TMEM269: variants seen among roughly 807,000 people sequenced by gnomAD.
TMEM269 encodes the protein transmembrane protein 269.
A neutral mutation model predicts 15.8 loss-of-function variants in TMEM269; 12 were observed. The observed-to-expected ratio is 0.76, with a 90% CI of 0.49 to 1.23. The LOEUF (loss-of-function observed/expected upper bound fraction) is 1.23. Among genes scored for constraint, TMEM269 ranks in the 50% most tolerant of loss-of-function variants. The pLI is 0.00. For missense variants in TMEM269, 211 were observed against 245.4 expected, an observed-to-expected ratio of 0.86 and a Z score of 0.94; for synonymous variants, 93 against 99.3, an observed-to-expected ratio of 0.94 and a Z score of 0.38.
In TMEM269 at chr1:42,800,210, T is replaced by G. The variant is rs2124229228; in HGVS notation, c.*1985T>G. 6.6e-6 allele frequency: 1 copy of G among 152,266 alleles called. No individual in the cohort carries two copies. The highest frequency in any genetic ancestry group is 2.1e-4 in the South Asian group (1 of 4,824). 9.4% of individuals were successfully genotyped at this position (152,266 alleles called of 1,614,324 possible). ...ATACTTAATTGCCTCCAGTTTTTTTTGTAGGTTAATGACACTAGGATAGTT... is the reference window on the plus strand; with the variant it reads ...ATACTTAATTGCCTCCAGTTTTTTTGGTAGGTTAATGACACTAGGATAGTT... On this transcript the variant is annotated 3_prime_UTR_variant, in exon 6 of 6. Transcript: ENST00000637012.
chr1:42,795,830 A>G (rs1243098729), intron 5 of TMEM269, among the ~76,000 whole-genome samples: 1 of 152,200 alleles, frequency 6.6e-6, no homozygotes, highest in African/African-American at 2.4e-5. Flanking sequence ...AGTCCCATCT[A>G]GTTTATAGGG....
At chr1:42,793,813 A>G in intron 4 of TMEM269, 69 bp downstream of exon 4, 10 of 1,492,748 alleles carry the variant, frequency 6.7e-6, no homozygotes, top group Non-Finnish European at 8.9e-6. Context: ...GTCGGGTGCC[A>G]GAAGCCTGGG....
chr1:42,795,379 G>A (rs1653773613), intron 5 of TMEM269, among the ~76,000 whole-genome samples: 1 of 152,220 alleles, frequency 6.6e-6, no homozygotes, highest in Non-Finnish European at 1.5e-5. Flanking sequence ...CAAATGAGGA[G>A]CCTCTAAAGG....
intron 5 of TMEM269, among the ~76,000 whole-genome samples, chr1:42,795,685 C>G (rs961895589): frequency 6.6e-6 from 1 of 152,182 alleles, no homozygotes; most frequent in Non-Finnish European, 1.5e-5. Flanking sequence ...TGGGGCCTTG[C>G]AGACGTCTCC....
rs1044830105 is a variant in TMEM269 at position 42,800,457 on chromosome 1, C to T, written c.*2232C>T. Reference sequence around the variant, plus strand: ...CCAAGACTTTAAAATCTGCACTTCTCAAATGCATACATGAAGCCAGTGGGG... The same window carrying T: ...CCAAGACTTTAAAATCTGCACTTCTTAAATGCATACATGAAGCCAGTGGGG... On this transcript the variant is annotated 3_prime_UTR_variant, in exon 6 of 6. Transcript: ENST00000637012. 2 of 152,190 alleles carry T rather than the reference C, an allele frequency of 1.3e-5. No homozygotes were observed. The highest frequency in any genetic ancestry group is 4.8e-5 in the African/African-American group (2 of 41,450). The allele number at this position is 152,190 out of a possible 1,614,324, so 9.4% of individuals were successfully genotyped here.
At chr1:42,785,507 C>T (rs758821226) in intron 1 of TMEM269, among the ~76,000 whole-genome samples, 1 of 152,216 alleles carries the variant, frequency 6.6e-6, no homozygotes, top group Non-Finnish European at 1.5e-5. Context: ...CCACCCTCCT[C>T]GCCCCCACCC....
intron 1 of TMEM269, among the ~76,000 whole-genome samples, chr1:42,785,596 ACT>A (rs1406118594): frequency 6.0e-5 from 9 of 151,020 alleles, no homozygotes; most frequent in African/African-American, 2.2e-4. Context: ...TCTGACAAAG[ACT>A]CTGCTCCCTT....
chr1:42,793,586 G>T lies in TMEM269; in HGVS notation c.140-15G>T, dbSNP rs1167535324. ...GGGAGTATAAGTTCTTCTAACCTTG[G>T]GCCGTCTGGGGCAGGAGCCGAGCTG... On this transcript the variant is annotated splice_polypyrimidine_tract_variant and intron_variant, in intron 3 of 5. Coordinates refer to ENST00000637012, the MANE Select transcript of TMEM269 (RefSeq NM_001354602.2). 6.5e-7 allele frequency: 1 copy of T among 1,545,570 alleles called. No individual in the cohort carries two copies. The highest frequency in any genetic ancestry group is 1.4e-5 in the African/African-American group (1 of 72,726).
chr1:42,791,751 C>T (rs536214322), intron 2 of TMEM269, among the ~76,000 whole-genome samples: 1 of 152,306 alleles, frequency 6.6e-6, no homozygotes, highest in East Asian at 1.9e-4. Flanking sequence ...CCTGTAGTTC[C>T]AGCACTTTGG....
At position 42,800,064 on chromosome 1, in the gene TMEM269, C is replaced by G. The variant is rs1419322147; in HGVS notation, c.*1839C>G. Reference sequence around the variant, plus strand: ...AGATGCAATTCTGAAAGAGAATTTCCATGTCCATTTTAAGTGACAGCAGCA... The same window carrying G: ...AGATGCAATTCTGAAAGAGAATTTCGATGTCCATTTTAAGTGACAGCAGCA... On this transcript the variant is annotated 3_prime_UTR_variant, in exon 6 of 6. Transcript: ENST00000637012. 1 of 152,160 alleles carries G rather than the reference C, an allele frequency of 6.6e-6. No individual in the cohort carries two copies. The highest frequency in any genetic ancestry group is 1.5e-5 in the Non-Finnish European group (1 of 68,030). The allele number at this position is 152,160 out of a possible 1,614,324, so 9.4% of individuals were successfully genotyped here.
chr1:42,790,371 A>G (rs1283192384), intron 2 of TMEM269, among the ~76,000 whole-genome samples: 1 of 152,114 alleles, frequency 6.6e-6, no homozygotes, highest in East Asian at 1.9e-4. Context: ...TTAAAGATAA[A>G]TCCTTTATGA....
At chr1:42,790,505 G>A (rs1039227352) in intron 2 of TMEM269, among the ~76,000 whole-genome samples, 1 of 151,810 alleles carries the variant, frequency 6.6e-6, no homozygotes, top group African/African-American at 2.4e-5. Context: ...CCCCCTTCCA[G>A]CTGGAAATTT....
rs529578531 is a variant in TMEM269 at position 42,797,694 on chromosome 1, C to T, written c.485-404C>T. The T allele has an allele frequency of 3.4e-5, 14 of 406,986 alleles. No individual in the cohort carries two copies. The highest frequency in any genetic ancestry group is 5.4e-5 in the Non-Finnish European group (11 of 203,094). The allele number at this position is 406,986 out of a possible 1,614,324, so 25.2% of individuals were successfully genotyped here. ...TGAGGATAGCAGTCTCAGGCCTGCA[C>T]GTAAACTCTTTTCTGCATACATATC... On this transcript the variant is annotated intron_variant, in intron 5 of 5. Coordinates refer to ENST00000637012, the MANE Select transcript of TMEM269 (RefSeq NM_001354602.2). This position sits in a 1 kb window ranked among gnomAD's most constrained non-coding sequence, Gnocchi z 4.9.
At position 42,798,921 on chromosome 1, in the gene TMEM269, T is replaced by A. The variant is rs944730231; in HGVS notation, c.*696T>A. 4 of 151,796 alleles carry A rather than the reference T, an allele frequency of 2.6e-5. No individual in the cohort carries two copies. Among genetic ancestry groups the A allele is most frequent in the African/African-American group, 9.7e-5 (4 of 41,292 alleles). 9.4% of individuals were successfully genotyped at this position (151,796 alleles called of 1,614,324 possible). A position where few individuals can be genotyped will look rare whatever the true frequency, so the allele number is the denominator to read the frequency against. ...ACCTCGCCCGGCTAATTTTTTGTATTTTTAGTAGAGACGGGGGTTTCACCG... is the reference window on the plus strand; with the variant it reads ...ACCTCGCCCGGCTAATTTTTTGTATATTTAGTAGAGACGGGGGTTTCACCG... On this transcript the variant is annotated 3_prime_UTR_variant, in exon 6 of 6. Coordinates refer to ENST00000637012, the MANE Select transcript of TMEM269 (RefSeq NM_001354602.2).
rs1402495934 is a variant in TMEM269, at chr1:42,798,082, C to A, written c.485-16C>A. The A allele has an allele frequency of 6.4e-7, 1 of 1,551,060 alleles. No homozygotes were observed. Among genetic ancestry groups the A allele is most frequent in the East Asian group, 2.4e-5 (1 of 40,910 alleles). On this transcript the variant is annotated splice_polypyrimidine_tract_variant and intron_variant, in intron 5 of 5. Transcript: ENST00000637012. ...GCTTCCTAGAAATTGAGTGTCTGCA[C>A]TTTTTGTTCTTCCAGGTGTCATCAT...
At chr1:42,791,915 T>A (rs1341598834) in intron 2 of TMEM269, among the ~76,000 whole-genome samples, 1 of 152,154 alleles carries the variant, frequency 6.6e-6, no homozygotes, top group Non-Finnish European at 1.5e-5. Flanking sequence ...GGCAAGAGAA[T>A]CACTTGAACC....
chr1:42,793,174 C>A (rs2367020), intron 3 of TMEM269, among the ~76,000 whole-genome samples: 53,280 of 151,966 alleles, frequency 0.35, 10,104 homozygotes, highest in East Asian at 0.69. Flanking sequence ...CTGTTCTGGG[C>A]CCATCCAGGT....
intron 2 of TMEM269, among the ~76,000 whole-genome samples, chr1:42,791,265 G>C (rs1385042861): frequency 6.6e-6 from 1 of 152,166 alleles, no homozygotes; most frequent in Non-Finnish European, 1.5e-5. Context: ...CATCTATAGA[G>C]TACTTCATCC....
At chr1:42,786,766 C>T (rs1192568382) in intron 1 of TMEM269, among the ~76,000 whole-genome samples, 1 of 152,208 alleles carries the variant, frequency 6.6e-6, no homozygotes, top group Non-Finnish European at 1.5e-5. Context: ...TTCTCTGTGT[C>T]CCAAGCACCA....
Sources: allele counts gnomAD v4.1 joint callset (sites outside exome capture counted in the v4.1 genomes callset), GRCh38; gene constraint gnomAD v4.1.1; non-coding constraint Gnocchi (gnomAD v3.1); transcripts MANE v1.5; gene names NCBI Gene and HGNC (gene_info 2026-07-23, HGNC 2026-07-21).